NFAM1: variants seen among roughly 807,000 people sequenced by gnomAD.
NFAM1 encodes NFAT activating protein with ITAM motif 1.
NFAM1 carries 17 observed loss-of-function variants against 29.0 expected under a neutral mutation model. The observed-to-expected ratio is 0.59, with a 90% confidence interval of 0.40 to 0.88. The LOEUF (loss-of-function observed/expected upper bound fraction) is 0.88. Ranked by LOEUF, NFAM1 falls within the 40% of genes least tolerant of loss-of-function variation. The pLI, the probability that NFAM1 is intolerant of heterozygous loss-of-function variation, is 0.00. For synonymous variants in NFAM1, 175 were observed against 147.2 expected, an observed-to-expected ratio of 1.19 and a Z score of -1.36; for missense variants, 324 against 344.6, an observed-to-expected ratio of 0.94 and a Z score of 0.47.
chr22:42,424,828 A>T (rs533738012), intron 1 of NFAM1, among the ~76,000 whole-genome samples: 10 of 152,026 alleles, frequency 6.6e-5, no homozygotes, highest in African/African-American at 2.4e-4. Flanking sequence ...AGGGCTTTTA[A>T]ATTGGAAAGT....
Position 42,411,507 on chromosome 22 carries a change from G to A in NFAM1, c.351C>T (p.Thr117=). ...TGGCCGATGCTCCCGGCAGCACAAG[G>A]GTGACCTGGCAGTCCAGGGTGTGGC... The part of the protein sequence containing the change: ...NQSHTLDCQV[T]LVLPGASATG... The change falls in exon 2 of 6, where the codon ACC becomes ACT. Residue 117 remains threonine (T), a synonymous_variant. Transcript: ENST00000329021. 1 of 1,614,178 alleles carries A rather than the reference G, an allele frequency of 6.2e-7. No homozygotes were observed. The highest frequency in any genetic ancestry group is 2.2e-5 in the East Asian group (1 of 44,882).
At chr22:42,400,729 C>T (rs189603688) in intron 3 of NFAM1, among the ~76,000 whole-genome samples, 2 of 152,216 alleles carry the variant, frequency 1.3e-5, no homozygotes, top group African/African-American at 4.8e-5. Flanking sequence ...GGCTGCCTCC[C>T]CTGCACCACC....
intron 3 of NFAM1, among the ~76,000 whole-genome samples, chr22:42,405,951 G>A (rs1332889803): frequency 6.6e-6 from 1 of 152,120 alleles, no homozygotes; most frequent in Non-Finnish European, 1.5e-5. Context: ...GGGGGTGAAA[G>A]GCGCCAAGCT....
rs1211157306 is a variant in NFAM1 at position 42,400,530 on chromosome 22, T to C, written c.565-2574A>G. On this transcript the variant is annotated intron_variant, in intron 3 of 5. Transcript: ENST00000329021. ...CTACTCGGGAGGCTGAGGCAGAGAA[T>C]TGCTTGAACCTGGGAGGTGGAGGTT... Among the ~76,000 whole-genome samples the C allele has an allele frequency of 3.3e-5, 5 of 152,224 alleles. No homozygotes were observed. In the East Asian group the frequency reaches 5.8e-4, roughly 18 times the overall value.
chr22:42,429,764 T>C (rs1174071193), intron 1 of NFAM1, among the ~76,000 whole-genome samples: 3 of 152,218 alleles, frequency 2.0e-5, no homozygotes. Flanking sequence ...AGCTGAGGGA[T>C]GCAAGCTGGG....
chr22:42,427,611 T>C (rs1174818867), intron 1 of NFAM1, among the ~76,000 whole-genome samples: 2 of 152,202 alleles, frequency 1.3e-5, no homozygotes, highest in Admixed American at 1.3e-4. Flanking sequence ...GGCAGTGGGC[T>C]GGGTTTAGCC....
At chr22:42,416,712 A>G (rs1247897339) in intron 1 of NFAM1, among the ~76,000 whole-genome samples, 1 of 152,120 alleles carries the variant, frequency 6.6e-6, no homozygotes, top group African/African-American at 2.4e-5. Flanking sequence ...CCCTGGCTGA[A>G]CTTGAGCAGT....
Position 42,388,129 on chromosome 22 carries a change from AG to A in NFAM1, c.664-1052del, listed in dbSNP as rs1601732638. On this transcript the variant is annotated intron_variant, in intron 4 of 5. Transcript: ENST00000329021. This position sits in a 1 kb window ranked among gnomAD's most constrained non-coding sequence, Gnocchi z 4.1. Reference sequence around the variant, plus strand: ...CACTCACTCTTGGCCCAGCTAAGAAAGGCCTAGCCAGAGACCTCAGGATGGT... The same window carrying A: ...CACTCACTCTTGGCCCAGCTAAGAAAGCCTAGCCAGAGACCTCAGGATGGT... Among the ~76,000 whole-genome samples, 1 of 152,342 alleles carries A rather than the reference AG, an allele frequency of 6.6e-6. No individual in the cohort carries two copies. The highest frequency in any genetic ancestry group is 3.4e-3 in the Middle Eastern group (1 of 294).
At chr22:42,387,579 C>T (rs1236277823) in intron 4 of NFAM1, among the ~76,000 whole-genome samples, 3 of 151,530 alleles carry the variant, frequency 2.0e-5, no homozygotes, top group Admixed American at 6.6e-5. Flanking sequence ...CCCCAACCCC[C>T]ACCCCAGCCT....
chr22:42,391,177 T>G (rs112871413), intron 4 of NFAM1, among the ~76,000 whole-genome samples: 83 of 152,296 alleles, frequency 5.4e-4, no homozygotes, highest in African/African-American at 1.9e-3. Context: ...GCTCTCCCAG[T>G]CTTCCCCAGC....
At chr22:42,396,712 T>G (rs1173064077) in intron 4 of NFAM1, among the ~76,000 whole-genome samples, 2 of 152,126 alleles carry the variant, frequency 1.3e-5, no homozygotes, top group Non-Finnish European at 2.9e-5. Context: ...TGAAAGCCCT[T>G]TGAGAACCAT....
chr22:42,411,725 C>T lies in NFAM1; in HGVS notation c.133G>A (p.Val45Met), dbSNP rs777864713. ...GTLRLAGGQS[V>M]THTGLPIMAS... ...ATGATGGGCAGGCCGGTGTGGGTCA[C>T]TGACTGTCCTCCTGGAGGGGAAGCA... The change falls in exon 2 of 6, where the codon GTG becomes ATG. Residue 45 changes from valine (V) to methionine (M), a missense_variant. Physicochemically the swap from Val to Met is conservative, Grantham distance 21 (BLOSUM62 1). Coordinates refer to ENST00000329021, the MANE Select transcript of NFAM1 (RefSeq NM_145912.8). The T allele has an allele frequency of 6.2e-7, 1 of 1,613,084 alleles. No homozygotes were observed. Among genetic ancestry groups the T allele is most frequent in the Non-Finnish European group, 8.5e-7 (1 of 1,179,098 alleles).
At chr22:42,399,288 A>C (rs1418736117) in intron 3 of NFAM1, among the ~76,000 whole-genome samples, 1 of 151,952 alleles carries the variant, frequency 6.6e-6, no homozygotes, top group African/African-American at 2.4e-5. Context: ...CTCTACTAAA[A>C]ATATAAAAAC....
intron 5 of NFAM1, among the ~76,000 whole-genome samples, 170 bp from the exon 6 acceptor site, chr22:42,385,390 C>T (rs941679903): frequency 2.6e-5 from 4 of 152,024 alleles, no homozygotes; most frequent in Non-Finnish European, 5.9e-5. Flanking sequence ...CCTCTTCCCC[C>T]ACCATGCTGC....
chr22:42,404,128 C>CG (rs1929815228), intron 3 of NFAM1, among the ~76,000 whole-genome samples: 1 of 152,130 alleles, frequency 6.6e-6, no homozygotes, highest in Non-Finnish European at 1.5e-5. Flanking sequence ...CCCATCTTCC[C>CG]GGGGGTGTGA....
intron 3 of NFAM1, among the ~76,000 whole-genome samples, chr22:42,408,975 G>A (rs1929989419): frequency 1.3e-5 from 2 of 150,642 alleles, no homozygotes; most frequent in Non-Finnish European, 3.0e-5. Flanking sequence ...TGTTTGGGAG[G>A]GTGTGTGGGA....
chr22:42,420,110 A>T (rs1332824881), intron 1 of NFAM1, among the ~76,000 whole-genome samples: 1 of 145,008 alleles, frequency 6.9e-6, no homozygotes, highest in African/African-American at 2.6e-5. Flanking sequence ...TCCCCGGTTC[A>T]AGCAATTCTC....
chr22:42,421,595 G>C (rs1336251488), intron 1 of NFAM1, among the ~76,000 whole-genome samples: 1 of 152,098 alleles, frequency 6.6e-6, no homozygotes, highest in Non-Finnish European at 1.5e-5. Flanking sequence ...CCAAGTCATG[G>C]GCCAGGGCTT....
At chr22:42,406,539 C>A (rs1044918625) in intron 3 of NFAM1, among the ~76,000 whole-genome samples, 13 of 152,180 alleles carry the variant, frequency 8.5e-5, no homozygotes, top group African/African-American at 2.9e-4. Flanking sequence ...CCCATGCCCG[C>A]TTCTGCCTCA....
Sources: gnomAD v4.1 joint callset for allele counts (sites outside exome capture counted in the v4.1 genomes callset) on GRCh38, gnomAD v4.1.1 for gene constraint, Gnocchi (gnomAD v3.1) non-coding constraint, MANE v1.5 for transcripts, NCBI Gene and HGNC (gene_info 2026-07-23, HGNC 2026-07-21) for gene names.